Variants in SHROOM3 observed in about 807,000 individuals in gnomAD.
The protein encoded by SHROOM3 is protein Shroom3.
Under a neutral mutation model 138.6 loss-of-function variants are expected in SHROOM3, and 47 were observed. The ratio of observed to expected loss-of-function variants is 0.34; its 90% CI spans 0.27 to 0.43. The LOEUF (loss-of-function observed/expected upper bound fraction) is 0.43. SHROOM3 is among the 20% of genes least tolerant of loss of function. The pLI, the probability that SHROOM3 is intolerant of heterozygous loss-of-function variation, is 1.00. For synonymous variants in SHROOM3, 1,062 were observed against 1,063.3 expected (o/e 1.00, Z 0.02); for missense variants, 2,491 against 2,596.5 (o/e 0.96, Z 0.88).
At chr4:76,672,823 G>A (rs757975123) in intron 2 of SHROOM3, among the ~76,000 whole-genome samples, 4 of 152,088 alleles carry the variant, frequency 2.6e-5, no homozygotes, top group Admixed American at 6.6e-5. Context: ...CGCCTGCCTC[G>A]GCCTCCCAAA....
At chr4:76,610,832 G>A (rs1227939308) in intron 2 of SHROOM3, among the ~76,000 whole-genome samples, 2 of 152,180 alleles carry the variant, frequency 1.3e-5, no homozygotes, top group Non-Finnish European at 2.9e-5. Flanking sequence ...GATTTCGTGT[G>A]CAGGTTCTCA....
chr4:76,724,395 CATT>C (rs1380084780), intron 3 of SHROOM3, among the ~76,000 whole-genome samples: 1 of 151,680 alleles, frequency 6.6e-6, no homozygotes, highest in Non-Finnish European at 1.5e-5. Context: ...TGTTTCGCAT[CATT>C]GAGAAAGTCA....
At chr4:76,625,089 C>T (rs1735102912) in intron 2 of SHROOM3, among the ~76,000 whole-genome samples, 1 of 152,162 alleles carries the variant, frequency 6.6e-6, no homozygotes, top group African/African-American at 2.4e-5. Context: ...TTATGCAGTA[C>T]TTTTGGGCTG....
chr4:76,444,687 G>A (rs1338428508), intron 1 of SHROOM3, among the ~76,000 whole-genome samples: 20 of 150,936 alleles, frequency 1.3e-4, no homozygotes, highest in Admixed American at 1.3e-3. Flanking sequence ...GTAGAGATGG[G>A]GTTTCACCAT....
chr4:76,449,192 G>A lies in SHROOM3; in HGVS notation c.168+12972G>A, dbSNP rs144534739. ...TTTGTTCTATAGGTTAAGGGTTAAGGAAAATGTGACCCCCTTGAACAGAAT... is the reference window on the plus strand; with the variant it reads ...TTTGTTCTATAGGTTAAGGGTTAAGAAAAATGTGACCCCCTTGAACAGAAT... On this transcript the variant is annotated intron_variant, in intron 1 of 10. Coordinates refer to ENST00000296043, the MANE Select transcript of SHROOM3 (RefSeq NM_020859.4). Among the ~76,000 whole-genome samples, 428 of 152,244 alleles carry A rather than the reference G, an allele frequency of 2.8e-3. 11 individuals carry two copies. The highest frequency in any genetic ancestry group is 0.019 in the East Asian group (100 of 5,186).
intron 1 of SHROOM3, among the ~76,000 whole-genome samples, chr4:76,520,299 C>T (rs1030770597): frequency 5.3e-5 from 8 of 152,182 alleles, no homozygotes; most frequent in African/African-American, 1.9e-4. Flanking sequence ...CATGTCGCAA[C>T]AAGTCTCTCT....
intron 2 of SHROOM3, among the ~76,000 whole-genome samples, chr4:76,567,959 C>T (rs1327999994): frequency 6.6e-6 from 1 of 151,992 alleles, no homozygotes; most frequent in Non-Finnish European, 1.5e-5. Context: ...CCCTCACTTC[C>T]TTCAGGTATT....
intron 2 of SHROOM3, among the ~76,000 whole-genome samples, chr4:76,632,582 A>C (rs1262639759): frequency 1.3e-5 from 2 of 152,158 alleles, no homozygotes; most frequent in Non-Finnish European, 2.9e-5. Context: ...AGAAGGCTGA[A>C]CTGCAGTGGG....
At chr4:76,727,780 T>C (rs928056287) in intron 3 of SHROOM3, among the ~76,000 whole-genome samples, 1 of 149,808 alleles carries the variant, frequency 6.7e-6, no homozygotes, top group Non-Finnish European at 1.5e-5. Flanking sequence ...CCCAGCTACT[T>C]GGGAGGCTGA....
At chr4:76,561,095 A>G (rs1733587204) in intron 2 of SHROOM3, among the ~76,000 whole-genome samples, 1 of 152,230 alleles carries the variant, frequency 6.6e-6, no homozygotes, top group Non-Finnish European at 1.5e-5. Context: ...CTTTCTGGGC[A>G]TCAAAGAGAG....
At chr4:76,551,870 AT>A (rs201077454) in intron 1 of SHROOM3, among the ~76,000 whole-genome samples, 4 of 150,704 alleles carry the variant, frequency 2.7e-5, no homozygotes, top group Non-Finnish European at 5.9e-5. Flanking sequence ...TATTATTATT[AT>A]TTTTTTTTGA....
intron 2 of SHROOM3, among the ~76,000 whole-genome samples, chr4:76,597,796 G>A (rs1734420996): frequency 6.6e-6 from 1 of 152,186 alleles, no homozygotes; most frequent in Non-Finnish European, 1.5e-5. Flanking sequence ...ATCCCGTGTT[G>A]TAATCTCCAA....
At chr4:76,597,567 T>C (rs750532961) in intron 2 of SHROOM3, among the ~76,000 whole-genome samples, 19 of 151,964 alleles carry the variant, frequency 1.3e-4, no homozygotes, top group Non-Finnish European at 2.6e-4. Flanking sequence ...TCTTGTTAAG[T>C]AGAACAAGAC....
At chr4:76,722,998 C>A (rs1720594181) in intron 3 of SHROOM3, among the ~76,000 whole-genome samples, 1 of 151,880 alleles carries the variant, frequency 6.6e-6, no homozygotes, top group Non-Finnish European at 1.5e-5. Flanking sequence ...CAGTTGATAA[C>A]TGGCAGAGTT....
At chr4:76,710,470 TA>T (rs1720199238) in intron 3 of SHROOM3, among the ~76,000 whole-genome samples, 183 bp downstream of exon 3, 1 of 152,192 alleles carries the variant, frequency 6.6e-6, no homozygotes, top group South Asian at 2.1e-4. Context: ...CTGATCTTAT[TA>T]ATGGTAGTTT....
chr4:76,706,777 G>A (rs1162731929), intron 2 of SHROOM3, among the ~76,000 whole-genome samples: 2 of 152,236 alleles, frequency 1.3e-5, no homozygotes, highest in East Asian at 3.8e-4. Context: ...TTGACCTGTG[G>A]AAGAGAGGGA....
At chr4:76,464,302 C>T (rs1046794389) in intron 1 of SHROOM3, among the ~76,000 whole-genome samples, 2 of 152,194 alleles carry the variant, frequency 1.3e-5, no homozygotes, top group African/African-American at 2.4e-5. Flanking sequence ...CTGGGTTTCG[C>T]ACTTGCATGG....
intron 2 of SHROOM3, chr4:76,688,592 A>C (rs1285577099): frequency 1.0e-6 from 1 of 985,420 alleles, no homozygotes; most frequent in Non-Finnish European, 1.2e-6. Context: ...TCTGAGGGGA[A>C]AAAATTCCTA....
chr4:76,652,664 T>C (rs956418650), intron 2 of SHROOM3, among the ~76,000 whole-genome samples: 6 of 152,070 alleles, frequency 3.9e-5, no homozygotes, highest in Non-Finnish European at 7.4e-5. Flanking sequence ...TTCCTTATGA[T>C]CCCAGGGAGA....
Sources: allele counts gnomAD v4.1 joint callset (sites outside exome capture counted in the v4.1 genomes callset), GRCh38; gene constraint gnomAD v4.1.1; transcripts MANE v1.5; gene names NCBI Gene and HGNC (gene_info 2026-07-23, HGNC 2026-07-21).